AGMO: variants seen among roughly 807,000 people sequenced by gnomAD.
The protein encoded by AGMO is alkylglycerol monooxygenase, also known as glyceryl-ether monooxygenase.
A neutral mutation model predicts 60.2 loss-of-function variants in AGMO; 75 were observed. The observed-to-expected ratio is 1.25, with a 90% CI of 1.03 to 1.51. The LOEUF is 1.51. Ranked by LOEUF, AGMO falls within the 40% of genes most tolerant of loss-of-function variation. AGMO has a pLI of 0.00. For missense variants in AGMO, 763 were observed against 525.5 expected (o/e 1.45, Z -4.42); for synonymous variants, 261 against 177.1 (o/e 1.47, Z -3.76).
chr7:15,512,473 G>A (rs1036414353), intron 3 of AGMO, among the ~76,000 whole-genome samples: 3 of 151,992 alleles, frequency 2.0e-5, no homozygotes, highest in African/African-American at 7.3e-5. Context: ...GGCTGGTCTC[G>A]AACTCCTGAG....
the AGMO span, among the ~76,000 whole-genome samples, chr7:15,187,044 G>A: frequency 6.6e-6 from 1 of 152,270 alleles, no homozygotes; most frequent in East Asian, 1.9e-4. Flanking sequence ...CATGTAAATG[G>A]TTTATAAAGT....
chr7:15,222,717 A>G (rs1270651133), intron 12 of AGMO, among the ~76,000 whole-genome samples: 2 of 151,966 alleles, frequency 1.3e-5, no homozygotes, highest in East Asian at 1.9e-4. Context: ...GCCTCTTTCA[A>G]TTTTCCACAT....
chr7:15,309,118 A>G (rs141491786), intron 12 of AGMO, among the ~76,000 whole-genome samples: 1 of 152,276 alleles, frequency 6.6e-6, no homozygotes, highest in African/African-American at 2.4e-5. Flanking sequence ...GTTATTCATT[A>G]AACACTCAGT....
intron 12 of AGMO, among the ~76,000 whole-genome samples, chr7:15,326,476 C>T (rs771213267): frequency 4.1e-4 from 63 of 152,278 alleles, no homozygotes; most frequent in Non-Finnish European, 7.2e-4. Context: ...AACTTTTGTG[C>T]CTGCCTCTTC....
At chr7:15,398,224 C>G (rs1186506065) in intron 5 of AGMO, among the ~76,000 whole-genome samples, 1 of 152,132 alleles carries the variant, frequency 6.6e-6, no homozygotes, top group Non-Finnish European at 1.5e-5. Flanking sequence ...TGTAAAGCCA[C>G]ACAAATGGTG....
intron 3 of AGMO, among the ~76,000 whole-genome samples, chr7:15,487,866 T>A (rs1410410964): frequency 2.0e-5 from 3 of 152,172 alleles, no homozygotes; most frequent in African/African-American, 7.2e-5. Context: ...TAAAATATAT[T>A]TTCACCTACA....
At chr7:15,475,726 A>G (rs1325313270) in intron 3 of AGMO, among the ~76,000 whole-genome samples, 1 of 152,086 alleles carries the variant, frequency 6.6e-6, no homozygotes, top group Admixed American at 6.6e-5. Flanking sequence ...GATTTATTAA[A>G]TGTAAATCTT....
intron 6 of AGMO, among the ~76,000 whole-genome samples, chr7:15,391,292 A>G (rs1784126049): frequency 6.6e-6 from 1 of 152,048 alleles, no homozygotes; most frequent in African/African-American, 2.4e-5. Context: ...TTTATTTTAA[A>G]TTTTTGATGG....
At chr7:15,471,483 G>A (rs1782448756) in intron 3 of AGMO, among the ~76,000 whole-genome samples, 1 of 151,866 alleles carries the variant, frequency 6.6e-6, no homozygotes, top group African/African-American at 2.4e-5. Flanking sequence ...AATAAATAAT[G>A]TCATGGTTGT....
chr7:15,264,121 CAA>C (rs1044697965), intron 12 of AGMO, among the ~76,000 whole-genome samples: 17 of 151,290 alleles, frequency 1.1e-4, no homozygotes, highest in African/African-American at 4.1e-4. Context: ...GAGAAGAAAG[CAA>C]AAAATATTTT....
chr7:15,422,510 A>G (rs1182927984), intron 4 of AGMO, among the ~76,000 whole-genome samples: 2 of 152,176 alleles, frequency 1.3e-5, no homozygotes, highest in East Asian at 3.8e-4. Context: ...CATGAGTTTT[A>G]ATTGAAAATG....
chr7:15,325,414 G>C (rs1403973314), intron 12 of AGMO, among the ~76,000 whole-genome samples: 1 of 151,746 alleles, frequency 6.6e-6, no homozygotes, highest in Non-Finnish European at 1.5e-5. Context: ...GAGCGTTCAA[G>C]GGCATGTCAG....
At chr7:15,548,643 C>T (rs1010725234) in intron 2 of AGMO, among the ~76,000 whole-genome samples, 50 of 152,162 alleles carry the variant, frequency 3.3e-4, no homozygotes, top group Middle Eastern at 3.4e-3. Context: ...ATGAGCAAAG[C>T]CTCCAAGAAA....
At chr7:15,531,227 CTATATATATATTCTATATATTCTATAT>C (rs1784330348) in intron 3 of AGMO, among the ~76,000 whole-genome samples, 5 of 69,272 alleles carry the variant, frequency 7.2e-5, no homozygotes, top group Non-Finnish European at 1.3e-4. Context: ...TATATATATT[CTATATATATATTCTATATATTCTATAT>C]ATATTCTATA....
At chr7:15,301,503 G>GTT (rs11399032) in intron 12 of AGMO, among the ~76,000 whole-genome samples, 2 of 150,886 alleles carry the variant, frequency 1.3e-5, no homozygotes, top group African/African-American at 4.9e-5. Context: ...CTGTTTGCTT[G>GTT]TTTTTTTTTA....
At chr7:15,411,143 T>A (rs891024757) in intron 5 of AGMO, among the ~76,000 whole-genome samples, 1 of 152,010 alleles carries the variant, frequency 6.6e-6, no homozygotes, top group Non-Finnish European at 1.5e-5. Flanking sequence ...TTGCTCTCCG[T>A]ATTGCATGAT....
At chr7:15,217,259 T>C (rs539810690) in intron 12 of AGMO, among the ~76,000 whole-genome samples, 42 of 152,134 alleles carry the variant, frequency 2.8e-4, no homozygotes, top group African/African-American at 1.0e-3. Flanking sequence ...TGTTCCCATA[T>C]CCCAAGGAAC....
intron 6 of AGMO, among the ~76,000 whole-genome samples, chr7:15,391,926 G>C (rs1051582855): frequency 1.3e-5 from 2 of 152,234 alleles, no homozygotes; most frequent in African/African-American, 4.8e-5. Flanking sequence ...AGAAATATCT[G>C]TCCCAAAATG....
At position 15,295,512 on chromosome 7, in the gene AGMO, G is replaced by A. The variant is rs1010853126; in HGVS notation, c.1263+70002C>T. Reference sequence around the variant, plus strand: ...AGAAGAAATGTGGGTGATAGTGGGAGGAGGCAGACTGTAGCTTCCAATTAA... The same window carrying A: ...AGAAGAAATGTGGGTGATAGTGGGAAGAGGCAGACTGTAGCTTCCAATTAA... On this transcript the variant is annotated intron_variant, in intron 12 of 12. Coordinates refer to ENST00000342526, the MANE Select transcript of AGMO (RefSeq NM_001004320.2). Among the ~76,000 whole-genome samples, 50 of 152,122 alleles carry A rather than the reference G, an allele frequency of 3.3e-4. 1 individual carries two copies. Among genetic ancestry groups the A allele is most frequent in the African/African-American group, 1.1e-3 (45 of 41,556 alleles).
Sources: gnomAD v4.1 joint callset for allele counts (sites outside exome capture counted in the v4.1 genomes callset) on GRCh38, gnomAD v4.1.1 for gene constraint, MANE v1.5 for transcripts, NCBI Gene and HGNC (gene_info 2026-07-23, HGNC 2026-07-21) for gene names.